Variants in TCF12 observed in about 807,000 individuals in gnomAD.
TCF12 encodes the protein transcription factor 12.
A neutral mutation model predicts 86.0 loss-of-function variants in TCF12; 45 were observed. That is an observed-to-expected ratio of 0.52 (90% CI 0.41 to 0.67). The LOEUF (loss-of-function observed/expected upper bound fraction) is 0.67. Ranked by LOEUF, TCF12 falls within the 30% of genes least tolerant of loss-of-function variation. The pLI, the probability that TCF12 is intolerant of heterozygous loss-of-function variation, is 0.00. For synonymous variants in TCF12, 330 were observed against 299.6 expected, an observed-to-expected ratio of 1.10 and a Z score of -1.05; for missense variants, 881 against 859.9, an observed-to-expected ratio of 1.02 and a Z score of -0.31.
chr15:56,944,199 G>A (rs186177178), intron 3 of TCF12, among the ~76,000 whole-genome samples: 8 of 152,090 alleles, frequency 5.3e-5, no homozygotes, highest in Admixed American at 3.9e-4. Context: ...ATTTCCATAG[G>A]GCCATATTAT....
chr15:57,001,153 A>G (rs1596048772), intron 3 of TCF12, among the ~76,000 whole-genome samples: 1 of 151,316 alleles, frequency 6.6e-6, no homozygotes, highest in Non-Finnish European at 1.5e-5. Context: ...AGTAGCTGGG[A>G]TTACAGGCAT....
At chr15:56,944,432 A>C (rs1191528172) in intron 3 of TCF12, among the ~76,000 whole-genome samples, 1 of 152,200 alleles carries the variant, frequency 6.6e-6, no homozygotes, top group African/African-American at 2.4e-5. Flanking sequence ...TTGTCTTGTA[A>C]TTGCTTTAAA....
chr15:56,926,160 A>G (rs1293770692), intron 3 of TCF12, among the ~76,000 whole-genome samples: 1 of 152,106 alleles, frequency 6.6e-6, no homozygotes, highest in Non-Finnish European at 1.5e-5. Context: ...AAAAATACAC[A>G]GAATTAGCCA....
At chr15:57,232,596 A>T in intron 10 of TCF12, 116 bp from the exon 11 acceptor site, 2 of 1,430,702 alleles carry the variant, frequency 1.4e-6, no homozygotes, top group Non-Finnish European at 1.9e-6. Flanking sequence ...GACAATAAGT[A>T]GTGCTCTTTA....
At chr15:57,213,062 T>C (rs1185499264) in intron 8 of TCF12, among the ~76,000 whole-genome samples, 7 of 152,214 alleles carry the variant, frequency 4.6e-5, no homozygotes, top group African/African-American at 1.4e-4. Context: ...TGTTTCCCAG[T>C]GTCTGTTTAG....
chr15:57,230,753 A>C (rs1157875114), intron 8 of TCF12, among the ~76,000 whole-genome samples: 5 of 152,070 alleles, frequency 3.3e-5, no homozygotes, highest in African/African-American at 1.2e-4. Context: ...CACTGAAAAG[A>C]ATGAATTTTA....
At chr15:57,279,972 C>T (rs1456932865) in intron 19 of TCF12, among the ~76,000 whole-genome samples, 1 of 145,798 alleles carries the variant, frequency 6.9e-6, no homozygotes, top group Non-Finnish European at 1.5e-5. Context: ...CGGCTCACTG[C>T]AGACTCCGTC....
rs770717631 is a variant in TCF12, at chr15:57,192,228, C to T, written c.461C>T (p.Thr154Ile). The stretch of plus-strand genomic sequence containing the variant: ...CTATCTTCTTCAGGAAAACCTGGGA[C>T]AGCATACTATTCATTCTCTGCTACA... ...AQLSSSGKPG[T>I]AYYSFSATSS... The change falls in exon 7 of 21, where the codon ACA becomes ATA. Residue 154 changes from threonine to isoleucine, a missense_variant. Around this residue, in one of 3 missense-constraint regions of TCF12, gnomAD observed 766 missense variants for 718.9 expected, o/e 1.07. Coordinates refer to ENST00000333725, the MANE Select transcript of TCF12 (RefSeq NM_207037.2). The T allele has an allele frequency of 1.3e-5, 21 of 1,614,032 alleles. No homozygotes were observed. Among genetic ancestry groups the T allele is most frequent in the Non-Finnish European group, 1.7e-5 (20 of 1,180,016 alleles).
At chr15:57,281,961 G>C (rs1433735661) in intron 19 of TCF12, among the ~76,000 whole-genome samples, 2 of 152,198 alleles carry the variant, frequency 1.3e-5, no homozygotes, top group Middle Eastern at 3.4e-3. Flanking sequence ...CCAGTCCCTG[G>C]TGCCAAAAAG....
At chr15:57,284,707 T>C (rs2061857299) in intron 20 of TCF12, among the ~76,000 whole-genome samples, 1 of 152,256 alleles carries the variant, frequency 6.6e-6, no homozygotes, top group East Asian at 1.9e-4. Flanking sequence ...CTGTGTCTTA[T>C]TTTTCTTGTC....
intron 18 of TCF12, 134 bp downstream of exon 18, chr15:57,263,408 C>T (rs1287670162): frequency 2.3e-6 from 2 of 853,576 alleles, no homozygotes; most frequent in Middle Eastern, 3.2e-4. Flanking sequence ...TGTATGTTGT[C>T]TCATTTAATC....
intron 3 of TCF12, among the ~76,000 whole-genome samples, chr15:57,002,129 T>G (rs2064079953): frequency 6.6e-6 from 1 of 152,178 alleles, no homozygotes; most frequent in African/African-American, 2.4e-5. Context: ...GACCTATGCT[T>G]AGTAGCTCTA....
At chr15:57,209,475 G>A (rs1477104588) in intron 8 of TCF12, among the ~76,000 whole-genome samples, 1 of 152,136 alleles carries the variant, frequency 6.6e-6, no homozygotes, top group Non-Finnish European at 1.5e-5. Context: ...TTTTCTAAAG[G>A]AAATAAGTTA....
chr15:57,237,110 G>A (rs1263632198), intron 12 of TCF12, among the ~76,000 whole-genome samples: 1 of 151,542 alleles, frequency 6.6e-6, no homozygotes, highest in East Asian at 1.9e-4. Flanking sequence ...TTTATGTTTT[G>A]ATTTCTACCT....
chr15:57,024,363 G>A (rs909020584), intron 3 of TCF12, among the ~76,000 whole-genome samples: 3 of 151,644 alleles, frequency 2.0e-5, no homozygotes, highest in African/African-American at 7.3e-5. Context: ...ACAGGCGCCC[G>A]CCACCAAACC....
chr15:57,261,765 T>TATATAGGACTATTAATAGACCC (rs6145574), intron 16 of TCF12, among the ~76,000 whole-genome samples: 1 of 151,760 alleles, frequency 6.6e-6, no homozygotes, highest in African/African-American at 2.4e-5. Flanking sequence ...TCAGATTGAT[T>TATATAGGACTATTAATAGACCC]TATAATACGT....
At chr15:57,255,449 A>G (rs1440254569) in intron 16 of TCF12, among the ~76,000 whole-genome samples, 1 of 152,068 alleles carries the variant, frequency 6.6e-6, no homozygotes, top group East Asian at 1.9e-4. Context: ...CAACAACAGA[A>G]GGTCTGCCAG....
rs1206927528 is a variant in TCF12, at chr15:57,192,050, T to C, written c.391-108T>C. ...CAAAACGTACTTAATGGGTGCGTTC[T>C]AAGTTAAGACATTGCTGAAGTTGTA... On this transcript the variant is annotated intron_variant, in intron 6 of 20. Transcript: ENST00000333725. The C allele has an allele frequency of 3.1e-6, 4 of 1,299,884 alleles. No homozygotes were observed. The African/African-American group carries it at 4.4e-5, about 14-fold the overall frequency. The allele number at this position is 1,299,884 out of a possible 1,614,324, so 80.5% of individuals were successfully genotyped here.
chr15:57,118,845 C>T (rs191839850), intron 5 of TCF12, among the ~76,000 whole-genome samples: 4 of 152,244 alleles, frequency 2.6e-5, no homozygotes, highest in Admixed American at 6.5e-5. Flanking sequence ...CTTGAATTTC[C>T]ATATCTGTGT....
Sources: allele counts gnomAD v4.1 joint callset (sites outside exome capture counted in the v4.1 genomes callset), GRCh38; gene constraint gnomAD v4.1.1; regional missense constraint gnomAD v4.1.1; transcripts MANE v1.5; gene names NCBI Gene and HGNC (gene_info 2026-07-23, HGNC 2026-07-21).